SLC35B2: variants seen among roughly 807,000 people sequenced by gnomAD.
SLC35B2 encodes adenosine 3'-phospho 5'-phosphosulfate transporter 1.
In SLC35B2, 19 loss-of-function variants were observed where a neutral mutation model predicts 37.9. The ratio of observed to expected loss-of-function variants is 0.50; its 90% CI spans 0.35 to 0.74. The LOEUF (loss-of-function observed/expected upper bound fraction) is 0.74. SLC35B2 is among the 30% of genes least tolerant of loss of function. SLC35B2 has a pLI of 0.01. For missense variants in SLC35B2, 633 were observed against 547.6 expected (o/e 1.16, Z -1.56); for synonymous variants, 277 against 225.2 (o/e 1.23, Z -2.06).
At chr6:44,257,304 A>G in intron 1 of SLC35B2, 96 bp downstream of exon 1, 1 of 1,265,678 alleles carries the variant, frequency 7.9e-7, no homozygotes, top group South Asian at 2.3e-5. Flanking sequence ...CCGACGGCCG[A>G]GCAGCCGGGA....
rs1196233418 is a variant in SLC35B2 at position 44,255,131 on chromosome 6, G to C, written c.874C>G (p.Leu292Val). Reference sequence around the variant, plus strand: ...ACCGATGACATCTTATAGGCAAACAGGGCATCCTGCCAGTTTGAGGTGAAG... The same window carrying C: ...ACCGATGACATCTTATAGGCAAACACGGCATCCTGCCAGTTTGAGGTGAAG... ...DSFTSNWQDA[L>V]FAYKMSSVQM... Residue 292 changes from leucine (L) to valine (V), a missense_variant, in exon 4 of 4, where the codon CTG becomes GTG. Coordinates refer to ENST00000393812, the MANE Select transcript of SLC35B2 (RefSeq NM_178148.4). The C allele has an allele frequency of 1.2e-6, 2 of 1,614,112 alleles. No individual in the cohort carries two copies. The highest frequency in any genetic ancestry group is 1.7e-6 in the Non-Finnish European group (2 of 1,179,984).
rs61740055 is a variant in SLC35B2 at position 44,254,774 on chromosome 6, C to G, written c.1231G>C (p.Ala411Pro). Residue 411 changes from alanine to proline, a missense_variant, in exon 4 of 4, where the codon GCG becomes CCG. Ala to Pro is a conservative substitution (Grantham distance 27). Coordinates refer to ENST00000393812, the MANE Select transcript of SLC35B2 (RefSeq NM_178148.4). ...CCCCGTTGCTTTAGACGGCCCCGCG[C>G]GTAGACTCTGAGCAGGAGGGCAGCA... Reference protein sequence around the residue: ...VFAALLLRVYARGRLKQRGKK... With the variant: ...VFAALLLRVYPRGRLKQRGKK... 1 of 1,614,186 alleles carries G rather than the reference C, an allele frequency of 6.2e-7. No homozygotes were observed. The highest frequency in any genetic ancestry group is 1.7e-5 in the Admixed American group (1 of 60,026).
At position 44,254,635 on chromosome 6, in the gene SLC35B2, C is replaced by T; in HGVS notation, c.*71G>A. The T allele has an allele frequency of 6.6e-7, 1 of 1,508,278 alleles. No homozygotes were observed. Among genetic ancestry groups the T allele is most frequent in the Non-Finnish European group, 8.9e-7 (1 of 1,120,232 alleles). 93.4% of individuals were successfully genotyped at this position (1,508,278 alleles called of 1,614,324 possible). A position where few individuals can be genotyped will look rare whatever the true frequency, so the allele number is the denominator to read the frequency against. ...GCATTTTGCCCTTTCAGCCAGCTCC[C>T]TCAGAGGTTACAGCAGAAGGGGATG... On this transcript the variant is annotated 3_prime_UTR_variant, in exon 4 of 4. Transcript: ENST00000393812.
rs749173689 is a variant in SLC35B2, at chr6:44,255,473, G to A, written c.532C>T (p.Arg178Trp). 23 of 1,614,082 alleles carry A rather than the reference G, an allele frequency of 1.4e-5. No homozygotes were observed. Among genetic ancestry groups the A allele is most frequent in the Non-Finnish European group, 1.8e-5 (21 of 1,180,026 alleles). The part of the protein sequence containing the change: ...GLSCVLCKQP[R>W]HGAPMYRYSF... ...TACCGGTACATGGGTGCCCCATGCC[G>A]GGGCTGCTTGCAGAGAACACAGGAG... is the stretch of plus-strand genomic sequence containing the variant. The change falls in exon 4 of 4, where the codon CGG becomes TGG. Residue 178 changes from arginine to tryptophan, a missense_variant. Coordinates refer to ENST00000393812, the MANE Select transcript of SLC35B2 (RefSeq NM_178148.4).
chr6:44,257,096 C>T (rs1210698685), intron 1 of SLC35B2: 2 of 627,010 alleles, frequency 3.2e-6, no homozygotes, highest in Non-Finnish European at 5.3e-6. Context: ...GCGGATCCGC[C>T]CCTCTGGCCA....
At chr6:44,257,030 T>C (rs1781600995) in intron 1 of SLC35B2, 152 bp from the exon 2 acceptor site, 6 of 890,764 alleles carry the variant, frequency 6.7e-6, no homozygotes, top group Non-Finnish European at 9.8e-6. Context: ...TCTCTCTCTC[T>C]CTCGGGGAGG....
At position 44,254,115 on chromosome 6, in the gene SLC35B2, T is replaced by G. The variant is rs762348685; in HGVS notation, c.*591A>C. ...ACAGGACCAAGTCCACTGCAGTAAT[T>G]TAATTTAATAAAATAAAATTATAAG... is the stretch of plus-strand genomic sequence containing the variant. On this transcript the variant is annotated 3_prime_UTR_variant, in exon 4 of 4. Transcript: ENST00000393812. 2 of 212,534 alleles carry G rather than the reference T, an allele frequency of 9.4e-6. No individual in the cohort carries two copies. The highest frequency in any genetic ancestry group is 4.7e-5 in the African/African-American group (2 of 42,458). The allele number at this position is 212,534 out of a possible 1,614,324, so 13.2% of individuals were successfully genotyped here.
Position 44,255,437 on chromosome 6 carries a change from T to C in SLC35B2, c.568A>G (p.Ser190Gly). 6.2e-7 allele frequency: 1 copy of C among 1,614,232 alleles called. No individual in the cohort carries two copies. Among genetic ancestry groups the C allele is most frequent in the Non-Finnish European group, 8.5e-7 (1 of 1,180,030 alleles). The change falls in exon 4 of 4, where the codon AGC (serine) becomes GGC (glycine). Residue 190 changes from serine to glycine, a missense_variant. Transcript: ENST00000393812. ...CAGCTGCTAAGCACATTGGACAGGCTGGCAAAGGAGTACCGGTACATGGGT... is the reference window on the plus strand; with the variant it reads ...CAGCTGCTAAGCACATTGGACAGGCCGGCAAAGGAGTACCGGTACATGGGT... ...GAPMYRYSFA[S>G]LSNVLSSWCQ...
rs758333497 is a variant in SLC35B2 at position 44,254,795 on chromosome 6, C to T, written c.1210G>A (p.Ala404Thr). 2 of 1,614,172 alleles carry T rather than the reference C, an allele frequency of 1.2e-6. No individual in the cohort carries two copies. The highest frequency in any genetic ancestry group is 1.7e-6 in the Non-Finnish European group (2 of 1,180,040). The stretch of plus-strand genomic sequence containing the variant: ...CGCGCGTAGACTCTGAGCAGGAGGG[C>T]AGCAAAGACCACAGCCACCCCCAGC... ...GGLGVAVVFA[A>T]LLLRVYARGR... The change falls in exon 4 of 4, where the codon GCC becomes ACC. Residue 404 changes from alanine to threonine, a missense_variant. Physicochemically the swap from Ala to Thr is moderately conservative, Grantham distance 58. Transcript: ENST00000393812.
rs753541980 is a variant in SLC35B2, at chr6:44,255,066, G to C, written c.939C>G (p.Phe313Leu). ...MFGVNFFSCL[F>L]TVGSLLEQGA... ...CCTGTTCTAGCAGTGAGCCCACTGTGAAGAGGCAGGAGAAGAAATTGACCC... is the reference window on the plus strand; with the variant it reads ...CCTGTTCTAGCAGTGAGCCCACTGTCAAGAGGCAGGAGAAGAAATTGACCC... The change falls in exon 4 of 4, where the codon TTC becomes TTG. Residue 313 changes from phenylalanine (F) to leucine (L), a missense_variant. Phe to Leu is a conservative substitution (Grantham distance 22). Coordinates refer to ENST00000393812, the MANE Select transcript of SLC35B2 (RefSeq NM_178148.4). 6.2e-7 allele frequency: 1 copy of C among 1,614,252 alleles called. No individual in the cohort carries two copies. Among genetic ancestry groups the C allele is most frequent in the South Asian group, 1.1e-5 (1 of 91,084 alleles).
Position 44,255,251 on chromosome 6 carries a change from T to C in SLC35B2, c.754A>G (p.Met252Val), listed in dbSNP as rs546237790. 32 of 1,614,134 alleles carry C rather than the reference T, an allele frequency of 2.0e-5. 1 individual carries two copies. In the South Asian group the frequency reaches 3.3e-4, roughly 17 times the overall value. ...TATLISIGVS[M>V]FLLSSGPEPR... ...TCTGGTCCGCTGGATAGCAGAAACA[T>C]GCTGACCCCAATGGAGATGAGGGTG... is the stretch of plus-strand genomic sequence containing the variant. The change falls in exon 4 of 4, where the codon ATG (methionine) becomes GTG (valine). Residue 252 changes from methionine (M) to valine (V), a missense_variant. Transcript: ENST00000393812.
Position 44,257,403 on chromosome 6 carries a change from G to A in SLC35B2, c.8C>T (p.Ala3Val), listed in dbSNP as rs1583005369. The A allele has an allele frequency of 3.1e-6, 4 of 1,275,698 alleles. No individual in the cohort carries two copies. The highest frequency in any genetic ancestry group is 5.9e-5 in the South Asian group (2 of 34,100). The allele number at this position is 1,275,698 out of a possible 1,614,324, so 79.0% of individuals were successfully genotyped here. Reference sequence around the variant, plus strand: ...TCGCTGCTGCCCTAGCCCCCACCTGGCGTCCATGGTCCAGGCCGCGTGGGG... The same window carrying A: ...TCGCTGCTGCCCTAGCCCCCACCTGACGTCCATGGTCCAGGCCGCGTGGGG... MDARWWAVVVLAA... is the reference protein window; with the variant it reads MDVRWWAVVVLAA... Residue 3 changes from alanine to valine, a missense_variant, in exon 1 of 4, where the codon GCC becomes GTC. By Grantham distance (64) the Ala-to-Val change is moderately conservative. Coordinates refer to ENST00000393812, the MANE Select transcript of SLC35B2 (RefSeq NM_178148.4).
chr6:44,255,134 C>T lies in SLC35B2; in HGVS notation c.871G>A (p.Ala291Thr). ...FDSFTSNWQD[A>T]LFAYKMSSVQ... ...GATGACATCTTATAGGCAAACAGGG[C>T]ATCCTGCCAGTTTGAGGTGAAGCTG... Residue 291 changes from alanine to threonine, a missense_variant, in exon 4 of 4, where the codon GCC (alanine) becomes ACC (threonine). Transcript: ENST00000393812. 6.2e-7 allele frequency: 1 copy of T among 1,614,240 alleles called. No individual in the cohort carries two copies. The highest frequency in any genetic ancestry group is 8.5e-7 in the Non-Finnish European group (1 of 1,180,044).
intron 3 of SLC35B2, among the ~76,000 whole-genome samples, chr6:44,255,948 A>G (rs1478270553): frequency 6.6e-6 from 1 of 150,582 alleles, no homozygotes; most frequent in Non-Finnish European, 1.5e-5. Context: ...GCATGTTAGC[A>G]CTCTCTCACA....
rs760187805 is a variant in SLC35B2, at chr6:44,255,501, G to A, written c.504C>T (p.Gly168=). Residue 168 remains glycine (G), a synonymous_variant, in exon 4 of 4, where the codon GGC becomes GGT. Coordinates refer to ENST00000393812, the MANE Select transcript of SLC35B2 (RefSeq NM_178148.4). ...GCTGCTTGCAGAGAACACAGGAGAG[G>A]CCAGCCACAATCAGTGCCAGCACTC... ...MNRVLALIVA[G]LSCVLCKQPR... 2.5e-6 allele frequency: 4 copies of A among 1,613,354 alleles called. No homozygotes were observed. Among genetic ancestry groups the A allele is most frequent in the African/African-American group, 1.3e-5 (1 of 74,910 alleles).
intron 2 of SLC35B2, 41 bp from the exon 3 acceptor site, chr6:44,256,537 T>C (rs373224435): frequency 6.8e-6 from 11 of 1,613,620 alleles, no homozygotes; most frequent in Admixed American, 1.7e-5. Context: ...ATCTTCTCCA[T>C]AGCACTTCAT....
chr6:44,255,646 T>A lies in SLC35B2; in HGVS notation c.361-2A>T. The stretch of plus-strand genomic sequence containing the variant: ...CACACCCCAAGTCAGATAAGACACC[T>A]GTTGGGGAAGGTAGAGACAAAGGAG... On this transcript the variant is annotated splice_acceptor_variant, in intron 3 of 3. Coordinates refer to ENST00000393812, the MANE Select transcript of SLC35B2 (RefSeq NM_178148.4). LOFTEE classifies it high-confidence loss of function. The A allele has an allele frequency of 6.2e-7, 1 of 1,608,258 alleles. No individual in the cohort carries two copies.
Position 44,256,465 on chromosome 6 carries a change from A to G in SLC35B2, c.237T>C (p.Ala79=). Residue 79 remains alanine, a synonymous_variant, in exon 3 of 4, where the codon GCT becomes GCC. Transcript: ENST00000393812. ...GRGLCFPLVK[A]CVFGNEPKAS... is the part of the protein sequence containing the mutation. ...CCTTGGGCTCATTGCCAAACACACAAGCTTTCACCAGGGGAAAGCAGAGGC... is the reference window on the plus strand; with the variant it reads ...CCTTGGGCTCATTGCCAAACACACAGGCTTTCACCAGGGGAAAGCAGAGGC... The G allele has an allele frequency of 6.2e-7, 1 of 1,614,164 alleles. No homozygotes were observed.
rs764414582 is a variant in SLC35B2, at chr6:44,255,515, G to A, written c.490C>T (p.Leu164=). ...ACACAGGAGAGGCCAGCCACAATCA[G>A]TGCCAGCACTCGGTTCATTAGCACC... ...FLVLMNRVLA[L]IVAGLSCVLC... is the part of the protein sequence containing the mutation. Residue 164 remains leucine (L), a synonymous_variant, in exon 4 of 4, where the codon CTG becomes TTG. Transcript: ENST00000393812. The A allele has an allele frequency of 1.9e-6, 3 of 1,614,206 alleles. No individual in the cohort carries two copies. In the South Asian group the frequency reaches 3.3e-5, roughly 18 times the overall value.
Sources: gnomAD v4.1 joint callset for allele counts (sites outside exome capture counted in the v4.1 genomes callset) on GRCh38, gnomAD v4.1.1 for gene constraint, MANE v1.5 for transcripts, NCBI Gene and HGNC (gene_info 2026-07-23, HGNC 2026-07-21) for gene names.